The following PHC3 variants were observed in gnomAD, a reference collection of about 807,000 sequenced individuals.
PHC3 encodes polyhomeotic-like protein 3.
PHC3 carries 13 observed loss-of-function variants against 107.4 expected under a neutral mutation model. The observed-to-expected ratio is 0.12, with a 90% CI of 0.08 to 0.19. The LOEUF (loss-of-function observed/expected upper bound fraction) is 0.19. Ranked by LOEUF, PHC3 falls within the 10% of genes least tolerant of loss-of-function variation. The pLI is 1.00. For missense variants in PHC3, 992 were observed against 1,210.9 expected (o/e 0.82, Z 2.68); for synonymous variants, 456 against 427.4 (o/e 1.07, Z -0.83).
At chr3:170,116,836 C>CA (rs1396889424) in intron 10 of PHC3, among the ~76,000 whole-genome samples, 1 of 151,338 alleles carries the variant, frequency 6.6e-6, no homozygotes, top group Non-Finnish European at 1.5e-5. Flanking sequence ...AACTGAGCCC[C>CA]AGGGGTCAAG....
intron 5 of PHC3, chr3:170,148,835 A>T (rs1409913256): frequency 3.3e-6 from 1 of 301,160 alleles, no homozygotes; most frequent in Non-Finnish European, 6.1e-6. Flanking sequence ...AAAAATAATC[A>T]CTCTTACGTT....
chr3:170,123,098 A>G (rs537919012), intron 8 of PHC3, among the ~76,000 whole-genome samples: 1 of 152,328 alleles, frequency 6.6e-6, no homozygotes, highest in Non-Finnish European at 1.5e-5. Context: ...AACTGTCATG[A>G]ATCAAAACAG....
intron 6 of PHC3, among the ~76,000 whole-genome samples, chr3:170,142,598 G>A (rs377543815): frequency 5.3e-5 from 8 of 152,276 alleles, no homozygotes; most frequent in South Asian, 4.1e-4. Context: ...TACAATAAAT[G>A]ACTGAAGTAG....
intron 1 of PHC3, among the ~76,000 whole-genome samples, chr3:170,181,351 C>T (rs545978509): frequency 6.7e-4 from 102 of 152,296 alleles, no homozygotes; most frequent in African/African-American, 2.4e-3. Context: ...CGTAACAAGG[C>T]TGCCCGCGGG....
intron 11 of PHC3, among the ~76,000 whole-genome samples, chr3:170,108,230 G>A (rs1234207454): frequency 3.3e-5 from 5 of 152,074 alleles, no homozygotes; most frequent in Non-Finnish European, 4.4e-5. Context: ...CCATATGTGT[G>A]CTCTTTCTAT....
intron 4 of PHC3, among the ~76,000 whole-genome samples, chr3:170,164,070 C>T (rs567107910): frequency 5.9e-5 from 9 of 152,088 alleles, no homozygotes; most frequent in South Asian, 2.1e-4. Context: ...GGTGTGGAGG[C>T]ATGCACCCAT....
chr3:170,100,602 A>G (rs1394918570), intron 14 of PHC3, among the ~76,000 whole-genome samples: 1 of 152,206 alleles, frequency 6.6e-6, no homozygotes, highest in Non-Finnish European at 1.5e-5. Context: ...AATGTTTTCT[A>G]AATACCTGGC....
intron 1 of PHC3, among the ~76,000 whole-genome samples, chr3:170,181,122 G>C (rs1731334795): frequency 6.6e-6 from 1 of 152,224 alleles, no homozygotes; most frequent in Non-Finnish European, 1.5e-5. Context: ...CTTTCTTTCA[G>C]GGTGTTTTCA....
chr3:170,131,294 TA>T (rs1401661624), intron 7 of PHC3, among the ~76,000 whole-genome samples: 1 of 152,106 alleles, frequency 6.6e-6, no homozygotes, highest in African/African-American at 2.4e-5. Context: ...TCAAAAAGGG[TA>T]AATTAACAAA....
At chr3:170,156,902 C>G (rs142168041) in intron 4 of PHC3, among the ~76,000 whole-genome samples, 1 of 152,088 alleles carries the variant, frequency 6.6e-6, no homozygotes, top group Non-Finnish European at 1.5e-5. Context: ...GCTGAGACTA[C>G]GTGTTTTTTA....
In PHC3 at chr3:170,178,887, A is replaced by T. The variant is rs373887685; in HGVS notation, c.66T>A (p.Ser22=). The T allele has an allele frequency of 1.9e-6, 3 of 1,613,850 alleles. No individual in the cohort carries two copies. The highest frequency in any genetic ancestry group is 2.7e-5 in the African/African-American group (2 of 74,918). Residue 22 remains serine (S), a synonymous_variant, in exon 2 of 15, where the codon TCT becomes TCA. Transcript: ENST00000495893. ...AMDTEPNPGT[S]SVSTTTSSTT... ...TACTGCTGGTTGTTGTTGACACAGAAGATGTTCCCGGGTTTGGTTCAGTAT... is the reference window on the plus strand; with the variant it reads ...TACTGCTGGTTGTTGTTGACACAGATGATGTTCCCGGGTTTGGTTCAGTAT...
At chr3:170,120,869 C>G (rs1490896371) in intron 9 of PHC3, among the ~76,000 whole-genome samples, 1 of 152,114 alleles carries the variant, frequency 6.6e-6, no homozygotes, top group East Asian at 1.9e-4. Flanking sequence ...TGAAAATGAT[C>G]ATGAGGGCAA....
chr3:170,141,060 G>C (rs1207567207), intron 6 of PHC3, among the ~76,000 whole-genome samples: 1 of 151,924 alleles, frequency 6.6e-6, no homozygotes, highest in Non-Finnish European at 1.5e-5. Context: ...TTAATACTAA[G>C]GAAAAATTAA....
chr3:170,089,285 A>G lies in PHC3; in HGVS notation c.*7945T>C, dbSNP rs571025523. The G allele has an allele frequency of 3.9e-5, 6 of 152,384 alleles. No individual in the cohort carries two copies. The highest frequency in any genetic ancestry group is 7.3e-5 in the Non-Finnish European group (5 of 68,038). The allele number at this position is 152,384 out of a possible 1,614,324, so 9.4% of individuals were successfully genotyped here. A position where few individuals can be genotyped will look rare whatever the true frequency, so the allele number is the denominator to read the frequency against. On this transcript the variant is annotated 3_prime_UTR_variant, in exon 15 of 15. Coordinates refer to ENST00000495893, the MANE Select transcript of PHC3 (RefSeq NM_024947.4). ...TGTTAACAAGTAAAGCTTTGTCAACAGGAATTACAATGTGATTCACAGATC... is the reference window on the plus strand; with the variant it reads ...TGTTAACAAGTAAAGCTTTGTCAACGGGAATTACAATGTGATTCACAGATC...
intron 14 of PHC3, among the ~76,000 whole-genome samples, chr3:170,101,217 C>CTTG (rs1327464485): frequency 3.3e-5 from 5 of 152,206 alleles, no homozygotes; most frequent in Non-Finnish European, 5.9e-5. Flanking sequence ...AGTATCTCCA[C>CTTG]TTTAAACAAT....
At chr3:170,108,395 TA>T (rs1422768139) in intron 11 of PHC3, among the ~76,000 whole-genome samples, 1 of 152,194 alleles carries the variant, frequency 6.6e-6, no homozygotes, top group Non-Finnish European at 1.5e-5. Context: ...CAAGAACTAC[TA>T]AAAAAACAAA....
chr3:170,155,175 A>G (rs557432992), intron 4 of PHC3, among the ~76,000 whole-genome samples: 1 of 152,334 alleles, frequency 6.6e-6, no homozygotes, highest in African/African-American at 2.4e-5. Flanking sequence ...GGAGTTTCCA[A>G]CCGATTACTA....
chr3:170,145,470 C>G lies in PHC3; in HGVS notation c.625G>C (p.Val209Leu), dbSNP rs1480747435. The stretch of plus-strand genomic sequence containing the variant: ...GAAGATGACGATGACGACGAGACAA[C>G]AGGAATGTCAGACTGTACAGCAGCC... ...TVAAVQSDIPVVSSSSSSSCQ... is the reference protein window; with the variant it reads ...TVAAVQSDIPLVSSSSSSSCQ... The change falls in exon 6 of 15, where the codon GTT becomes CTT. Residue 209 changes from valine to leucine, a missense_variant. Transcript: ENST00000495893. 5 of 1,613,198 alleles carry G rather than the reference C, an allele frequency of 3.1e-6. No homozygotes were observed. The Admixed American group carries it at 6.7e-5, about 22-fold the overall frequency.
Position 170,136,533 on chromosome 3 carries a change from T to C in PHC3, c.805A>G (p.Ile269Val), listed in dbSNP as rs908651731. The change falls in exon 7 of 15, where the codon ATC becomes GTC. Residue 269 changes from isoleucine (I) to valine (V), a missense_variant. Ile to Val is a conservative substitution (Grantham distance 29). Transcript: ENST00000495893. Reference sequence around the variant, plus strand: ...TCTGGAGAAGGATCTCGTTGGCTGATTTTAGAACTGGTCACTGTTGTTTTG... The same window carrying C: ...TCTGGAGAAGGATCTCGTTGGCTGACTTTAGAACTGGTCACTGTTGTTTTG... Reference protein sequence around the residue: ...HNKTTVTSSKISQRDPSPESN... With the variant: ...HNKTTVTSSKVSQRDPSPESN... 5 of 1,612,020 alleles carry C rather than the reference T, an allele frequency of 3.1e-6. No individual in the cohort carries two copies. The highest frequency in any genetic ancestry group is 3.4e-5 in the Admixed American group (2 of 59,540).
Sources: gnomAD v4.1 joint callset for allele counts (sites outside exome capture counted in the v4.1 genomes callset) on GRCh38, gnomAD v4.1.1 for gene constraint, MANE v1.5 for transcripts, NCBI Gene and HGNC (gene_info 2026-07-23, HGNC 2026-07-21) for gene names.